PNLIPRP1: variants seen among roughly 807,000 people sequenced by gnomAD.
The protein encoded by PNLIPRP1 is inactive pancreatic lipase-related protein 1.
A neutral mutation model predicts 54.6 loss-of-function variants in PNLIPRP1; 57 were observed. The observed-to-expected ratio is 1.04, with a 90% CI of 0.84 to 1.30. The LOEUF is 1.30. Ranked by LOEUF, PNLIPRP1 falls within the 50% of genes most tolerant of loss-of-function variation. The pLI is 0.00. For missense variants in PNLIPRP1, 567 were observed against 568.5 expected (o/e 1.00, Z 0.03); for synonymous variants, 232 against 208.8 (o/e 1.11, Z -0.96).
At position 116,609,131 on chromosome 10, in the gene PNLIPRP1, G is replaced by C. The variant is rs369332519; in HGVS notation, c.*15G>C. The C allele has an allele frequency of 2.3e-5, 36 of 1,592,500 alleles. No homozygotes were observed. Among genetic ancestry groups the C allele is most frequent in the South Asian group, 3.4e-5 (3 of 89,100 alleles). ...CGCCCTGCTAAGCTCCCGGGGCGAC[G>C]AGGCTGCTGCGTTCACACTAATAAA... On this transcript the variant is annotated 3_prime_UTR_variant, in exon 13 of 13. Transcript: ENST00000358834.
intron 9 of PNLIPRP1, chr10:116,600,424 C>T (rs1480933285): frequency 2.9e-6 from 1 of 348,126 alleles, no homozygotes. Flanking sequence ...GATATAGAGG[C>T]TTCCTGCAGG....
At chr10:116,591,204 A>G (rs782107764) in intron 2 of PNLIPRP1, 26 bp downstream of exon 2, 1 of 1,598,318 alleles carries the variant, frequency 6.3e-7, no homozygotes, top group Non-Finnish European at 8.6e-7. Context: ...CCTGCCCCGT[A>G]GGAAGGGCTT....
chr10:116,603,929 C>T (rs1847892012), intron 10 of PNLIPRP1, 101 bp from the exon 11 acceptor site: 1 of 548,878 alleles, frequency 1.8e-6, no homozygotes. Context: ...AAAAGAATTT[C>T]TTATGCTTTG....
intron 9 of PNLIPRP1, 58 bp downstream of exon 9, chr10:116,600,223 T>C: frequency 9.0e-7 from 1 of 1,111,494 alleles, no homozygotes. Context: ...ACTGCTGTCC[T>C]GCTGCGTTTG....
In PNLIPRP1 at chr10:116,601,205, A is replaced by C. The variant is rs2133236932; in HGVS notation, c.1063+4A>C. The stretch of plus-strand genomic sequence containing the variant: ...GGAGAGGCTAGCAATTTCGCTCGTA[A>C]GTTGCACTTTGACTACCTGCCCATG... On this transcript the variant is annotated splice_donor_region_variant and intron_variant, in intron 10 of 12. Coordinates refer to ENST00000358834, the MANE Select transcript of PNLIPRP1 (RefSeq NM_006229.4). 6.2e-7 allele frequency: 1 copy of C among 1,611,654 alleles called. No individual in the cohort carries two copies. The highest frequency in any genetic ancestry group is 1.7e-4 in the Middle Eastern group (1 of 6,050).
chr10:116,603,202 T>G (rs1847879501), intron 10 of PNLIPRP1, among the ~76,000 whole-genome samples: 1 of 152,174 alleles, frequency 6.6e-6, no homozygotes, highest in African/African-American at 2.4e-5. Flanking sequence ...CCCAGGGCCC[T>G]GGGGAGCAGA....
chr10:116,596,954 T>C (rs1250756911), intron 6 of PNLIPRP1, among the ~76,000 whole-genome samples: 1 of 152,174 alleles, frequency 6.6e-6, no homozygotes, highest in Non-Finnish European at 1.5e-5. Context: ...CTTTATATTT[T>C]CTTATATAAT....
At chr10:116,594,150 A>C (rs1564735691) in intron 4 of PNLIPRP1, among the ~76,000 whole-genome samples, 1 of 152,130 alleles carries the variant, frequency 6.6e-6, no homozygotes, top group South Asian at 2.1e-4. Context: ...ACTCCTAAAG[A>C]TATATCAGCT....
chr10:116,591,100 G>A (rs558085890), intron 1 of PNLIPRP1, 30 bp from the exon 2 acceptor site: 8 of 1,602,074 alleles, frequency 5.0e-6, no homozygotes, highest in Admixed American at 3.3e-5. Context: ...AATGCCCGGT[G>A]AGACTGAATT....
intron 12 of PNLIPRP1, 66 bp downstream of exon 12, chr10:116,605,619 C>G: frequency 8.1e-7 from 1 of 1,235,412 alleles, no homozygotes; most frequent in Non-Finnish European, 1.1e-6. Context: ...TGAAAACCCA[C>G]CCTAGAAAGT....
In PNLIPRP1 at chr10:116,591,094, C is replaced by G. The variant is rs955663090; in HGVS notation, c.1-36C>G. On this transcript the variant is annotated intron_variant, in intron 1 of 12. Coordinates refer to ENST00000358834, the MANE Select transcript of PNLIPRP1 (RefSeq NM_006229.4). ...GTCGGTGCTCACTGCTCTGGCAATG[C>G]CCGGTGAGACTGAATTATGTTTAAA... 5 of 1,582,554 alleles carry G rather than the reference C, an allele frequency of 3.2e-6. No homozygotes were observed. The Admixed American group carries it at 5.0e-5, about 16-fold the overall frequency.
rs537961361 is a variant in PNLIPRP1 at position 116,609,174 on chromosome 10, T to C, written c.*58T>C. 13 of 1,279,034 alleles carry C rather than the reference T, an allele frequency of 1.0e-5. No homozygotes were observed. Among genetic ancestry groups the C allele is most frequent in the Non-Finnish European group, 1.3e-5 (12 of 905,836 alleles). 79.2% of individuals were successfully genotyped at this position (1,279,034 alleles called of 1,614,324 possible). A position where few individuals can be genotyped will look rare whatever the true frequency, so the allele number is the denominator to read the frequency against. On this transcript the variant is annotated 3_prime_UTR_variant, in exon 13 of 13. Transcript: ENST00000358834. The stretch of plus-strand genomic sequence containing the variant: ...CTAATAAAATCCACTGGTGCATCTG[T>C]ATGCTCTGGGTCTATCTCCTGCCGC...
rs185741053 is a variant in PNLIPRP1, at chr10:116,606,829, G to A, written c.1340+1276G>A. ...AGCTGTCACCTGCATTCCAGTGGCT[G>A]AGTGCAGCTCCCCTCGCTGTCTGCT... is the stretch of plus-strand genomic sequence containing the variant. On this transcript the variant is annotated intron_variant, in intron 12 of 12. Transcript: ENST00000358834. Among the ~76,000 whole-genome samples the A allele has an allele frequency of 2.2e-3, 336 of 152,266 alleles. 2 individuals carry two copies. The highest frequency in any genetic ancestry group is 7.8e-3 in the African/African-American group (323 of 41,546).
At chr10:116,608,289 A>G (rs1847971588) in intron 12 of PNLIPRP1, among the ~76,000 whole-genome samples, 1 of 152,086 alleles carries the variant, frequency 6.6e-6, no homozygotes, top group African/African-American at 2.4e-5. Flanking sequence ...CAAAATCTTG[A>G]TTTTCTTTAG....
At chr10:116,608,961 C>T in intron 12 of PNLIPRP1, 92 bp from the exon 13 acceptor site, 1 of 665,354 alleles carries the variant, frequency 1.5e-6, no homozygotes, top group Non-Finnish European at 2.3e-6. Flanking sequence ...TTAAGAAAAA[C>T]CAAACCAAAC....
In PNLIPRP1 at chr10:116,593,390, T is replaced by C. The variant is rs180846965; in HGVS notation, c.330+849T>C. Among the ~76,000 whole-genome samples, 307 of 152,276 alleles carry C rather than the reference T, an allele frequency of 2.0e-3. 1 individual carries two copies. Among genetic ancestry groups the C allele is most frequent in the African/African-American group, 6.4e-3 (265 of 41,564 alleles). On this transcript the variant is annotated intron_variant, in intron 4 of 12. Coordinates refer to ENST00000358834, the MANE Select transcript of PNLIPRP1 (RefSeq NM_006229.4). ...AATATACCATCATCCTTTCTATTTA[T>C]GTGGAGACTAGTTCAATCGATTTTT...
At chr10:116,591,093 G>A in intron 1 of PNLIPRP1, 37 bp from the exon 2 acceptor site, 1 of 1,582,428 alleles carries the variant, frequency 6.3e-7, no homozygotes, top group Non-Finnish European at 8.7e-7. Flanking sequence ...CTCTGGCAAT[G>A]CCCGGTGAGA....
intron 11 of PNLIPRP1, 141 bp downstream of exon 11, chr10:116,604,279 T>C (rs1206063525): frequency 1.8e-6 from 1 of 543,922 alleles, no homozygotes; most frequent in Admixed American, 3.3e-5. Context: ...ACATTTTAGT[T>C]GATGGACCAC....
At chr10:116,600,358 G>A in intron 9 of PNLIPRP1, 193 bp downstream of exon 9, 1 of 491,602 alleles carries the variant, frequency 2.0e-6, no homozygotes, top group Non-Finnish European at 3.6e-6. Context: ...TAGATGACAT[G>A]AGTTATGTGG....
Sources: gnomAD v4.1 joint callset for allele counts (sites outside exome capture counted in the v4.1 genomes callset) on GRCh38, gnomAD v4.1.1 for gene constraint, MANE v1.5 for transcripts, NCBI Gene and HGNC (gene_info 2026-07-23, HGNC 2026-07-21) for gene names.